The following TAFA1 variants were observed in gnomAD, a reference collection of about 807,000 sequenced individuals.
TAFA1 encodes TAFA chemokine like family member 1, also known as chemokine-like protein TAFA-1.
Under a neutral mutation model 18.5 loss-of-function variants are expected in TAFA1, and 4 were observed. The ratio of observed to expected loss-of-function variants is 0.22; its 90% CI spans 0.11 to 0.49. TAFA1 has a LOEUF of 0.49. Ranked by LOEUF, TAFA1 falls within the 20% of genes least tolerant of loss-of-function variation. The probability of loss-of-function intolerance (pLI) is 0.98; values close to 1 mark genes in which losing one functional copy is unlikely to be tolerated. For missense variants in TAFA1, 147 were observed against 169.0 expected, an observed-to-expected ratio of 0.87 and a Z score of 0.72; for synonymous variants, 56 against 55.2, an observed-to-expected ratio of 1.01 and a Z score of -0.06.
At chr3:68,351,600 A>G (rs962099621) in intron 2 of TAFA1, among the ~76,000 whole-genome samples, 1 of 152,088 alleles carries the variant, frequency 6.6e-6, no homozygotes, top group Non-Finnish European at 1.5e-5. Flanking sequence ...CTTATATAGC[A>G]TCTTCAAAAA....
chr3:68,221,809 T>G (rs2066734242), intron 2 of TAFA1, among the ~76,000 whole-genome samples: 1 of 152,206 alleles, frequency 6.6e-6, no homozygotes, highest in South Asian at 2.1e-4. Context: ...GATTGTGCTA[T>G]TTGATTCTTT....
intron 2 of TAFA1, among the ~76,000 whole-genome samples, chr3:68,207,834 T>A (rs1197144771): frequency 6.6e-6 from 1 of 151,952 alleles, no homozygotes; most frequent in African/African-American, 2.4e-5. Flanking sequence ...ATTCCCATTT[T>A]TTGAAAGAGA....
chr3:68,103,095 A>G (rs2065166177), intron 2 of TAFA1, among the ~76,000 whole-genome samples: 1 of 152,236 alleles, frequency 6.6e-6, no homozygotes, highest in Non-Finnish European at 1.5e-5. Context: ...GTTTGGAGAT[A>G]AAGGGCTCTG....
chr3:68,508,233 G>A (rs1326859341), intron 3 of TAFA1, among the ~76,000 whole-genome samples: 1 of 143,228 alleles, frequency 7.0e-6, no homozygotes, highest in South Asian at 2.2e-4. Flanking sequence ...CCACCCATAT[G>A]ATCTTTTTTT....
intron 2 of TAFA1, among the ~76,000 whole-genome samples, chr3:68,373,507 A>G (rs994750182): frequency 3.9e-5 from 6 of 152,208 alleles, no homozygotes; most frequent in African/African-American, 1.2e-4. Context: ...TCAAAGAAAC[A>G]TAAGACTTAA....
chr3:68,081,207 C>T (rs1382527936), intron 2 of TAFA1, among the ~76,000 whole-genome samples: 2 of 152,138 alleles, frequency 1.3e-5, no homozygotes, highest in East Asian at 3.9e-4. Flanking sequence ...TGTAGTTATA[C>T]ATTCTTCTAA....
At chr3:68,440,447 G>A (rs566040113) in intron 3 of TAFA1, among the ~76,000 whole-genome samples, 1 of 152,176 alleles carries the variant, frequency 6.6e-6, no homozygotes, top group African/African-American at 2.4e-5. Flanking sequence ...ATTTTTTATA[G>A]CACAAGTGTA....
At chr3:68,430,464 C>T (rs1192880870) in intron 3 of TAFA1, among the ~76,000 whole-genome samples, 2 of 151,936 alleles carry the variant, frequency 1.3e-5, no homozygotes, top group Non-Finnish European at 2.9e-5. Flanking sequence ...TATTACGTAA[C>T]ATAGTTCTTA....
chr3:68,078,811 T>C (rs1403981234), intron 2 of TAFA1, among the ~76,000 whole-genome samples: 1 of 152,244 alleles, frequency 6.6e-6, no homozygotes, highest in African/African-American at 2.4e-5. Flanking sequence ...GGTATCAGAA[T>C]GATGCTGTCC....
At chr3:68,500,611 C>G (rs1323678586) in intron 3 of TAFA1, among the ~76,000 whole-genome samples, 1 of 151,954 alleles carries the variant, frequency 6.6e-6, no homozygotes, top group Non-Finnish European at 1.5e-5. Context: ...TATATATCAT[C>G]TATGCTGCTT....
chr3:68,437,256 A>G (rs988352566), intron 3 of TAFA1, among the ~76,000 whole-genome samples: 5 of 152,180 alleles, frequency 3.3e-5, no homozygotes, highest in African/African-American at 1.2e-4. Context: ...CTGTTGCTTA[A>G]TAGCACAATA....
chr3:68,246,766 G>GGT (rs2107148363), intron 2 of TAFA1: 1 of 152,236 alleles, frequency 6.6e-6, no homozygotes, highest in Non-Finnish European at 1.5e-5. Context: ...TAGTTCCACA[G>GGT]GTGTTTCTGC....
intron 2 of TAFA1, among the ~76,000 whole-genome samples, chr3:68,368,746 C>T (rs2069622024): frequency 6.6e-6 from 1 of 152,112 alleles, no homozygotes; most frequent in East Asian, 1.9e-4. Context: ...ATCTCTGCCA[C>T]CAAAATCTCC....
chr3:68,071,730 C>G (rs1289335528), intron 2 of TAFA1, among the ~76,000 whole-genome samples: 1 of 152,160 alleles, frequency 6.6e-6, no homozygotes, highest in Non-Finnish European at 1.5e-5. Flanking sequence ...GCTCATGGTT[C>G]TGCAGACTTT....
At chr3:68,011,559 T>TC (rs1559701077) in intron 2 of TAFA1, among the ~76,000 whole-genome samples, 22 of 152,224 alleles carry the variant, frequency 1.4e-4, no homozygotes, top group Non-Finnish European at 2.4e-4. Flanking sequence ...TATTACTTTA[T>TC]TGAAAGCTGC....
intron 2 of TAFA1, among the ~76,000 whole-genome samples, chr3:68,173,824 G>A (rs915329102): frequency 1.3e-5 from 2 of 151,770 alleles, no homozygotes; most frequent in Non-Finnish European, 2.9e-5. Flanking sequence ...GTTTTTTTCA[G>A]AAGCATTTTG....
intron 2 of TAFA1, among the ~76,000 whole-genome samples, chr3:68,339,443 C>G (rs186112488): frequency 2.6e-5 from 4 of 151,990 alleles, no homozygotes; most frequent in Non-Finnish European, 5.9e-5. Flanking sequence ...AATAGCCAAC[C>G]CAATTTGAGA....
At chr3:68,160,118 A>G (rs1032849777) in intron 2 of TAFA1, among the ~76,000 whole-genome samples, 1 of 152,230 alleles carries the variant, frequency 6.6e-6, no homozygotes, top group Non-Finnish European at 1.5e-5. Flanking sequence ...GGTCAGTGGT[A>G]TGATCTTTAC....
chr3:68,040,999 G>A (rs1358498205), intron 2 of TAFA1, among the ~76,000 whole-genome samples: 1 of 152,068 alleles, frequency 6.6e-6, no homozygotes, highest in African/African-American at 2.4e-5. Flanking sequence ...TCTAAGATAC[G>A]TAACATTGTC....
Sources: allele counts gnomAD v4.1 joint callset (sites outside exome capture counted in the v4.1 genomes callset), GRCh38; gene constraint gnomAD v4.1.1; transcripts MANE v1.5; gene names NCBI Gene and HGNC (gene_info 2026-07-23, HGNC 2026-07-21).